RPS6KA2: variants seen among roughly 807,000 people sequenced by gnomAD.
RPS6KA2 encodes the protein ribosomal protein S6 kinase alpha-2.
RPS6KA2 carries 42 observed loss-of-function variants against 91.8 expected under a neutral mutation model. That is an observed-to-expected ratio of 0.46 (90% CI 0.36 to 0.59). The LOEUF is 0.59. Among genes scored for constraint, RPS6KA2 ranks in the 20% least tolerant of loss-of-function variants. The probability of loss-of-function intolerance (pLI) is 0.00; values close to 1 mark genes in which losing one functional copy is unlikely to be tolerated. For synonymous variants in RPS6KA2, 414 were observed against 393.6 expected (o/e 1.05, Z -0.61); for missense variants, 798 against 978.5 (o/e 0.82, Z 2.46).
At chr6:166,442,073 C>T (rs188181377) in intron 14 of RPS6KA2, among the ~76,000 whole-genome samples, 14 of 152,306 alleles carry the variant, frequency 9.2e-5, no homozygotes, top group South Asian at 2.1e-4. Context: ...GACTCAGGTG[C>T]GATTTTACAT....
At chr6:166,814,044 T>C (rs1445985547) in intron 2 of RPS6KA2, among the ~76,000 whole-genome samples, 1 of 152,212 alleles carries the variant, frequency 6.6e-6, no homozygotes, top group Non-Finnish European at 1.5e-5. Flanking sequence ...CCCCATATTG[T>C]TGGTACGCAT....
chr6:166,711,220 A>T (rs571930998), intron 2 of RPS6KA2, among the ~76,000 whole-genome samples: 42 of 150,516 alleles, frequency 2.8e-4, no homozygotes, highest in African/African-American at 8.8e-4. Flanking sequence ...ATAGCCCCAC[A>T]ACTTCCTTCA....
intron 2 of RPS6KA2, among the ~76,000 whole-genome samples, chr6:166,706,674 C>T (rs1463293204): frequency 2.0e-5 from 3 of 152,160 alleles, no homozygotes; most frequent in Admixed American, 6.5e-5. Flanking sequence ...GGCAAGGGGA[C>T]AGCTAGTTAG....
intron 10 of RPS6KA2, among the ~76,000 whole-genome samples, chr6:166,486,838 G>A (rs912064585): frequency 1.3e-5 from 2 of 149,408 alleles, no homozygotes; most frequent in Admixed American, 6.7e-5. Context: ...CTTTGCCAAT[G>A]TCAGGAGACG....
chr6:166,503,529 G>A (rs1390771890), intron 6 of RPS6KA2, among the ~76,000 whole-genome samples: 1 of 152,196 alleles, frequency 6.6e-6, no homozygotes, highest in East Asian at 1.9e-4. Flanking sequence ...GGGCTCTCTG[G>A]TGGTACCCAA....
At chr6:166,540,324 G>A (rs1356170641) in intron 1 of RPS6KA2, among the ~76,000 whole-genome samples, 1 of 152,246 alleles carries the variant, frequency 6.6e-6, no homozygotes, top group Non-Finnish European at 1.5e-5. Flanking sequence ...AGGTGTCTGA[G>A]CCGTGGAAAC....
Position 166,648,674 on chromosome 6 carries a change from T to C in RPS6KA2, c.124-109890A>G, listed in dbSNP as rs969609694. On this transcript the variant is annotated intron_variant, in intron 2 of 21. Coordinates refer to the RPS6KA2 transcript ENST00000503859. This position sits in a 1 kb window ranked among gnomAD's most constrained non-coding sequence, Gnocchi z 4.8. ...CCCTCTCTCACTAGCTGGAATCCCG[T>C]CTCCAACTCTCTGCAGCCGACTCCA... is the stretch of plus-strand genomic sequence containing the variant. 3.9e-5 allele frequency among the ~76,000 whole-genome samples: 6 copies of C among 152,152 alleles called. No homozygotes were observed. The highest frequency in any genetic ancestry group is 8.8e-5 in the Non-Finnish European group (6 of 68,022).
In RPS6KA2 at chr6:166,495,573, G is replaced by A. The variant is rs1281536763; in HGVS notation, c.747+2935C>T. On this transcript the variant is annotated intron_variant, in intron 8 of 20. Coordinates refer to ENST00000265678, the MANE Select transcript of RPS6KA2 (RefSeq NM_021135.6). This position sits in a 1 kb window ranked among gnomAD's most constrained non-coding sequence, Gnocchi z 4.4. ...AGGCTGCCGGGCACTGGGTCTGGGT[G>A]TGAGTGCCTCTCTGCTTCCACCCTG... Among the ~76,000 whole-genome samples the A allele has an allele frequency of 1.3e-5, 2 of 152,180 alleles. No homozygotes were observed. The highest frequency in any genetic ancestry group is 4.8e-5 in the African/African-American group (2 of 41,420).
At chr6:166,436,547 G>A (rs1583131731) in intron 14 of RPS6KA2, among the ~76,000 whole-genome samples, 3 of 152,228 alleles carry the variant, frequency 2.0e-5, no homozygotes, top group South Asian at 4.1e-4. Flanking sequence ...CCTGACAGGG[G>A]CTGTGGGCAG....
chr6:166,794,378 G>C (rs1333791097), intron 2 of RPS6KA2, among the ~76,000 whole-genome samples: 1 of 152,192 alleles, frequency 6.6e-6, no homozygotes, highest in East Asian at 1.9e-4. Flanking sequence ...AGGATGTGGA[G>C]AAATAGGAAC....
intron 2 of RPS6KA2, among the ~76,000 whole-genome samples, chr6:166,837,485 G>A (rs1780350135): frequency 2.6e-5 from 4 of 152,166 alleles, no homozygotes; most frequent in African/African-American, 9.7e-5. Flanking sequence ...AAAGGCGACC[G>A]CAGGGTGGAC....
At position 166,626,308 on chromosome 6, in the gene RPS6KA2, A is replaced by T. The variant is rs973359287; in HGVS notation, c.99+613T>A. ...GGGAGTACTCTGGGTTTTCAGGACG[A>T]ATCTGTATCAGCCTCGGCGCTGCGA... On this transcript the variant is annotated intron_variant, in intron 1 of 20. Coordinates refer to ENST00000265678, the MANE Select transcript of RPS6KA2 (RefSeq NM_021135.6). The surrounding 1 kb of genome is among the most constrained non-coding windows in gnomAD (Gnocchi z 4.1). 5.3e-5 allele frequency among the ~76,000 whole-genome samples: 8 copies of T among 152,226 alleles called. No homozygotes were observed. Among genetic ancestry groups the T allele is most frequent in the African/African-American group, 1.9e-4 (8 of 41,454 alleles).
chr6:166,618,915 C>T (rs539643584), intron 1 of RPS6KA2, among the ~76,000 whole-genome samples: 2 of 151,724 alleles, frequency 1.3e-5, no homozygotes, highest in Admixed American at 6.5e-5. Context: ...ACACACTGGA[C>T]GCTGCGCGCA....
intron 1 of RPS6KA2, among the ~76,000 whole-genome samples, chr6:166,594,085 T>C (rs1785449078): frequency 6.6e-6 from 1 of 152,226 alleles, no homozygotes; most frequent in African/African-American, 2.4e-5. Flanking sequence ...AATTTAATAT[T>C]AAAATATATG....
At chr6:166,615,143 C>T (rs571921753) in intron 1 of RPS6KA2, among the ~76,000 whole-genome samples, 1 of 152,256 alleles carries the variant, frequency 6.6e-6, no homozygotes, top group East Asian at 1.9e-4. Flanking sequence ...GATGTGGCCG[C>T]ATTGTTCATT....
chr6:166,839,061 T>G (rs569510168), intron 2 of RPS6KA2, among the ~76,000 whole-genome samples: 1 of 152,244 alleles, frequency 6.6e-6, no homozygotes, highest in Admixed American at 6.5e-5. Flanking sequence ...CTCTGCCAAC[T>G]CCTCGATCTT....
At chr6:166,468,783 G>A (rs978001903) in intron 11 of RPS6KA2, among the ~76,000 whole-genome samples, 1 of 150,910 alleles carries the variant, frequency 6.6e-6, no homozygotes, top group Non-Finnish European at 1.5e-5. Context: ...AGAATGGCGT[G>A]AATCTGGCAG....
intron 2 of RPS6KA2, among the ~76,000 whole-genome samples, chr6:166,663,647 T>G (rs550771668): frequency 6.6e-5 from 10 of 152,118 alleles, no homozygotes; most frequent in Non-Finnish European, 1.2e-4. Context: ...TCTAAGAACA[T>G]GCAACAGGGG....
At chr6:166,477,220 T>C (rs1317649173) in intron 10 of RPS6KA2, among the ~76,000 whole-genome samples, 1 of 152,162 alleles carries the variant, frequency 6.6e-6, no homozygotes, top group East Asian at 1.9e-4. Context: ...AAAATACACC[T>C]GTGGGAGGGT....
Sources: gnomAD v4.1 joint callset for allele counts (sites outside exome capture counted in the v4.1 genomes callset) on GRCh38, gnomAD v4.1.1 for gene constraint, Gnocchi (gnomAD v3.1) non-coding constraint, MANE v1.5 for transcripts, NCBI Gene and HGNC (gene_info 2026-07-23, HGNC 2026-07-21) for gene names.